BACH2: variants seen among roughly 807,000 people sequenced by gnomAD.
The protein encoded by BACH2 is transcription regulator protein BACH2.
Under a neutral mutation model 61.8 loss-of-function variants are expected in BACH2, and 5 were observed. The observed-to-expected ratio is 0.08, with a 90% CI of 0.04 to 0.17. BACH2 has a LOEUF of 0.17. Ranked by LOEUF, BACH2 falls within the 10% of genes least tolerant of loss-of-function variation. The pLI, the probability that BACH2 is intolerant of heterozygous loss-of-function variation, is 1.00. For synonymous variants in BACH2, 446 were observed against 440.1 expected, an observed-to-expected ratio of 1.01 and a Z score of -0.17; for missense variants, 824 against 1,091.1, an observed-to-expected ratio of 0.76 and a Z score of 3.45.
chr6:90,134,437 C>T (rs192400950), intron 4 of BACH2, among the ~76,000 whole-genome samples: 1 of 152,276 alleles, frequency 6.6e-6, no homozygotes, highest in East Asian at 1.9e-4. Context: ...TGAAGGCTGA[C>T]ATTTTACAAG....
At chr6:89,968,933 T>C (rs9294454) in intron 6 of BACH2, among the ~76,000 whole-genome samples, 127,071 of 151,730 alleles carry the variant, frequency 0.84, 53,291 homozygotes, top group East Asian at 0.91. Flanking sequence ...ACTGCTTGAA[T>C]CTGGGAGGCG....
intron 4 of BACH2, among the ~76,000 whole-genome samples, chr6:90,176,764 ACCAGCCCT>A (rs1365922114): frequency 6.6e-6 from 1 of 152,144 alleles, no homozygotes; most frequent in Admixed American, 6.5e-5. Context: ...ATTATGTCTT[ACCAGCCCT>A]CCTGCTCCTG....
chr6:90,138,513 A>T (rs1784357918), intron 4 of BACH2, among the ~76,000 whole-genome samples: 1 of 152,126 alleles, frequency 6.6e-6, no homozygotes, highest in Non-Finnish European at 1.5e-5. Flanking sequence ...AATAAATAAA[A>T]AATAAAATAA....
chr6:90,295,477 A>T (rs1772316126), intron 1 of BACH2, among the ~76,000 whole-genome samples: 1 of 152,092 alleles, frequency 6.6e-6, no homozygotes, highest in South Asian at 2.1e-4. Context: ...CACCTAGGGT[A>T]GCCCGTGAGC....
intron 4 of BACH2, among the ~76,000 whole-genome samples, chr6:90,104,653 G>T (rs1416427171): frequency 1.3e-5 from 2 of 152,132 alleles, no homozygotes; most frequent in African/African-American, 4.8e-5. Context: ...GAGCTCCCAG[G>T]GTCAGTGTAT....
intron 6 of BACH2, among the ~76,000 whole-genome samples, chr6:90,001,991 A>G (rs1777156348): frequency 6.6e-6 from 1 of 152,126 alleles, no homozygotes; most frequent in Non-Finnish European, 1.5e-5. Flanking sequence ...AACACAATCA[A>G]ATTGGTTTTT....
rs541493222 is a variant in BACH2, at chr6:90,059,611, C to A, written c.-13+29350G>T. Among the ~76,000 whole-genome samples the A allele has an allele frequency of 1.7e-4, 26 of 152,204 alleles. 1 individual carries two copies. Among genetic ancestry groups the A allele is most frequent in the African/African-American group, 4.1e-4 (17 of 41,542 alleles). On this transcript the variant is annotated intron_variant, in intron 5 of 8. Transcript: ENST00000257749. Reference sequence around the variant, plus strand: ...GACTAGAAATACCATTTGACCCAGCCATCCCATTACTGGGTATATACCCAA... The same window carrying A: ...GACTAGAAATACCATTTGACCCAGCAATCCCATTACTGGGTATATACCCAA...
intron 6 of BACH2, among the ~76,000 whole-genome samples, chr6:89,970,784 A>G (rs1422237386): frequency 6.6e-6 from 1 of 152,172 alleles, no homozygotes; most frequent in African/African-American, 2.4e-5. Context: ...GTGGTGCGCA[A>G]TTCTAGGAAT....
intron 6 of BACH2, among the ~76,000 whole-genome samples, chr6:89,970,699 G>GCC (rs141542844): frequency 1.1e-4 from 16 of 151,670 alleles, no homozygotes; most frequent in African/African-American, 3.9e-4. Context: ...TTTGTTTCTG[G>GCC]CCCCCCCCAG....
At chr6:89,997,569 G>C (rs955592685) in intron 6 of BACH2, among the ~76,000 whole-genome samples, 1 of 152,204 alleles carries the variant, frequency 6.6e-6, no homozygotes, top group Non-Finnish European at 1.5e-5. Context: ...ACATCAGAAC[G>C]CCTCTCATGG....
At chr6:90,170,090 T>A (rs1442022559) in intron 4 of BACH2, among the ~76,000 whole-genome samples, 3 of 152,216 alleles carry the variant, frequency 2.0e-5, no homozygotes, top group Admixed American at 6.5e-5. Flanking sequence ...TTTTTCTAAT[T>A]TAGAAACTTC....
chr6:89,960,989 C>T (rs1774711360), intron 6 of BACH2, among the ~76,000 whole-genome samples: 1 of 152,218 alleles, frequency 6.6e-6, no homozygotes. Context: ...TTCCTGAGAA[C>T]TGGCGACACC....
intron 6 of BACH2, among the ~76,000 whole-genome samples, chr6:89,958,399 T>C (rs1409759587): frequency 2.0e-5 from 3 of 152,242 alleles, no homozygotes; most frequent in African/African-American, 7.2e-5. Flanking sequence ...GCTGTGTCAC[T>C]TGGGCTGGTT....
chr6:90,011,933 T>A (rs1429105514), intron 5 of BACH2, among the ~76,000 whole-genome samples: 1 of 3,818 alleles, frequency 2.6e-4, no homozygotes, highest in African/African-American at 3.9e-4. Context: ...AAAAAAAATA[T>A]GTGTGTGTGT....
chr6:90,293,272 T>C (rs1772237800), intron 1 of BACH2, among the ~76,000 whole-genome samples: 1 of 152,154 alleles, frequency 6.6e-6, no homozygotes, highest in South Asian at 2.1e-4. Flanking sequence ...GCATTTACAA[T>C]AAGCTAGATG....
chr6:90,000,515 AG>A (rs1275901572), intron 6 of BACH2, among the ~76,000 whole-genome samples: 4 of 152,190 alleles, frequency 2.6e-5, no homozygotes, highest in African/African-American at 9.7e-5. Context: ...CTTTCCTTTT[AG>A]GGGAATAATA....
intron 5 of BACH2, chr6:90,080,665 A>G (rs1781687258): frequency 1.3e-6 from 1 of 752,280 alleles, no homozygotes; most frequent in Admixed American, 6.3e-5. Context: ...AAACATATGC[A>G]GGTAACAATT....
intron 6 of BACH2, among the ~76,000 whole-genome samples, chr6:89,958,642 T>A (rs934592099): frequency 2.6e-5 from 4 of 152,194 alleles, no homozygotes; most frequent in Non-Finnish European, 5.9e-5. Context: ...CAGTGTCACC[T>A]GAGTACGTAA....
At chr6:90,245,530 C>T (rs1011087017) in intron 3 of BACH2, among the ~76,000 whole-genome samples, 4 of 152,186 alleles carry the variant, frequency 2.6e-5, no homozygotes, top group Non-Finnish European at 5.9e-5. Flanking sequence ...TGGCACTGCA[C>T]TCCGGCCTGG....
Sources: gnomAD v4.1 joint callset for allele counts (sites outside exome capture counted in the v4.1 genomes callset) on GRCh38, gnomAD v4.1.1 for gene constraint, MANE v1.5 for transcripts, NCBI Gene and HGNC (gene_info 2026-07-23, HGNC 2026-07-21) for gene names.